MIER2: variants seen among roughly 807,000 people sequenced by gnomAD.
MIER2 encodes the protein mesoderm induction early response protein 2.
MIER2 carries 30 observed loss-of-function variants against 67.6 expected under a neutral mutation model. The observed-to-expected ratio is 0.44, with a 90% CI of 0.33 to 0.60. MIER2 has a LOEUF of 0.60. Ranked by LOEUF, MIER2 falls within the 20% of genes least tolerant of loss-of-function variation. The pLI is 0.02. For synonymous variants in MIER2, 372 were observed against 312.6 expected (o/e 1.19, Z -2.00); for missense variants, 702 against 745.1 (o/e 0.94, Z 0.67).
At chr19:317,244 T>C (rs912632487) in intron 7 of MIER2, among the ~76,000 whole-genome samples, 5 of 138,320 alleles carry the variant, frequency 3.6e-5, no homozygotes, top group African/African-American at 1.4e-4. Flanking sequence ...AATACAAAAT[T>C]AGGCCGGGCG....
At position 308,764 on chromosome 19, in the gene MIER2, G is replaced by A; in HGVS notation, c.1109+37C>T. ...CCACGTGCCCACCCCCGGCGGGGTG[G>A]CCGCCTGTCGTTACTGCTGGGGAGG... is the stretch of plus-strand genomic sequence containing the variant. On this transcript the variant is annotated intron_variant, in intron 11 of 13. Coordinates refer to ENST00000264819, the MANE Select transcript of MIER2 (RefSeq NM_017550.3). The surrounding 1 kb of genome is among the most constrained non-coding windows in gnomAD (Gnocchi z 9.1). The A allele has an allele frequency of 6.3e-7, 1 of 1,593,682 alleles. No individual in the cohort carries two copies. The highest frequency in any genetic ancestry group is 8.6e-7 in the Non-Finnish European group (1 of 1,165,278).
chr19:329,203 A>G (rs930809314), intron 3 of MIER2, among the ~76,000 whole-genome samples: 1 of 152,162 alleles, frequency 6.6e-6, no homozygotes, highest in African/African-American at 2.4e-5. Flanking sequence ...TCAAGTCCAC[A>G]TAGAAACCTC....
chr19:327,376 C>G, intron 4 of MIER2, 120 bp from the exon 5 acceptor site: 5 of 1,278,098 alleles, frequency 3.9e-6, no homozygotes, highest in Non-Finnish European at 5.4e-6. Flanking sequence ...GGCTGCTATT[C>G]CCATTCTGCA....
chr19:330,498 A>T (rs1218556185), intron 3 of MIER2: 1 of 151,402 alleles, frequency 6.6e-6, no homozygotes, highest in Non-Finnish European at 1.5e-5. Context: ...GCAGTGAGCC[A>T]AGATCGCGCC....
chr19:314,937 C>T (rs147472214), intron 7 of MIER2, among the ~76,000 whole-genome samples: 152 of 151,946 alleles, frequency 1.0e-3, no homozygotes, highest in African/African-American at 3.5e-3. Context: ...AGTACAGGCA[C>T]GTCTGTAGTC....
chr19:340,025 T>C (rs1373283394), intron 1 of MIER2, among the ~76,000 whole-genome samples: 2 of 152,238 alleles, frequency 1.3e-5, no homozygotes, highest in East Asian at 3.8e-4. Flanking sequence ...AAATATTTAA[T>C]GAAGTTTAAA....
rs1301238680 is a variant in MIER2, at chr19:318,873, A to G, written c.656-5230T>C. ...AGATCCAGACCATCCTGGCTAACAC[A>G]GTGAAACCCCGTCTCTACTAAAAAA... On this transcript the variant is annotated intron_variant, in intron 7 of 13. Transcript: ENST00000264819. 3.0e-4 allele frequency among the ~76,000 whole-genome samples: 45 copies of G among 151,734 alleles called. 1 individual carries two copies. The highest frequency in any genetic ancestry group is 1.2e-4 in the Non-Finnish European group (8 of 67,974).
chr19:342,222 C>T (rs1008317210), intron 1 of MIER2, among the ~76,000 whole-genome samples: 2 of 152,204 alleles, frequency 1.3e-5, no homozygotes, highest in African/African-American at 4.8e-5. Flanking sequence ...CTCAGCAAGG[C>T]AGTGGCGTGG....
intron 7 of MIER2, among the ~76,000 whole-genome samples, chr19:315,188 A>C (rs1260896975): frequency 6.6e-6 from 1 of 152,188 alleles, no homozygotes; most frequent in African/African-American, 2.4e-5. Context: ...AACATGGCGA[A>C]ACCCCAGCTC....
At chr19:320,875 C>T (rs1971472593) in intron 7 of MIER2, among the ~76,000 whole-genome samples, 1 of 152,222 alleles carries the variant, frequency 6.6e-6, no homozygotes, top group South Asian at 2.1e-4. Context: ...AGAGCTTGCG[C>T]CTGAGTGGAG....
Position 313,585 on chromosome 19 carries a change from C to T in MIER2, c.714G>A (p.Val238=). Residue 238 remains valine, a synonymous_variant, in exon 8 of 14, where the codon GTG becomes GTA. Coordinates refer to ENST00000264819, the MANE Select transcript of MIER2 (RefSeq NM_017550.3). ...TCACCGCCCTGTACAGGAACTCCTCCACCTCCCTCTCAGGGAGGACGCTGG... is the reference window on the plus strand; with the variant it reads ...TCACCGCCCTGTACAGGAACTCCTCTACCTCCCTCTCAGGGAGGACGCTGG... ...WDPSVLPERE[V]EEFLYRAVKR... is the part of the protein sequence containing the mutation. 6.2e-7 allele frequency: 1 copy of T among 1,613,430 alleles called. No homozygotes were observed. Among genetic ancestry groups the T allele is most frequent in the Non-Finnish European group, 8.5e-7 (1 of 1,179,960 alleles).
intron 7 of MIER2, among the ~76,000 whole-genome samples, chr19:321,183 G>A (rs757882893): frequency 5.5e-4 from 84 of 152,172 alleles, no homozygotes; most frequent in Admixed American, 7.9e-4. Context: ...AAGGTGTTGC[G>A]AGTTTTGATT....
At chr19:325,321 G>A (rs1971690249) in intron 7 of MIER2, among the ~76,000 whole-genome samples, 1 of 152,234 alleles carries the variant, frequency 6.6e-6, no homozygotes, top group Admixed American at 6.5e-5. Context: ...GAATGCAGCG[G>A]CCCAGGCTGT....
chr19:318,948 T>G (rs1971378247), intron 7 of MIER2, among the ~76,000 whole-genome samples: 1 of 150,956 alleles, frequency 6.6e-6, no homozygotes, highest in South Asian at 2.1e-4. Context: ...TCCCAGCTAC[T>G]TGGGAGGCTG....
intron 1 of MIER2, among the ~76,000 whole-genome samples, chr19:338,589 T>C (rs1338886834): frequency 1.3e-5 from 2 of 151,988 alleles, no homozygotes; most frequent in Non-Finnish European, 2.9e-5. Flanking sequence ...TTCAAAAGCA[T>C]ATGGAAGCTC....
intron 6 of MIER2, among the ~76,000 whole-genome samples, chr19:325,995 A>G (rs1971722093): frequency 6.6e-6 from 1 of 152,204 alleles, no homozygotes; most frequent in Non-Finnish European, 1.5e-5. Context: ...CTCCGGTCCA[A>G]AGCACCTGTG....
intron 3 of MIER2, 192 bp downstream of exon 3, chr19:334,208 C>T (rs1046435584): frequency 8.4e-6 from 6 of 713,218 alleles, no homozygotes; most frequent in Non-Finnish European, 1.4e-5. Context: ...CCTTGACCAC[C>T]GTGCTGCTCA....
Position 344,278 on chromosome 19 carries a change from C to G in MIER2, c.9+496G>C, listed in dbSNP as rs1012029502. The G allele has an allele frequency of 4.1e-6, 4 of 985,322 alleles. No individual in the cohort carries two copies. The African/African-American group carries it at 7.0e-5, about 17-fold the overall frequency. 61.0% of individuals were successfully genotyped at this position (985,322 alleles called of 1,614,324 possible). ...GGTCTGACCCAGCCCCGCCGGGGGG[C>G]TCGCGGGCGGCGGAGGCGCGGTGGG... On this transcript the variant is annotated intron_variant, in intron 1 of 13. Coordinates refer to ENST00000264819, the MANE Select transcript of MIER2 (RefSeq NM_017550.3).
At chr19:326,322 C>T (rs75288485) in intron 6 of MIER2, among the ~76,000 whole-genome samples, 185 bp downstream of exon 6, 1 of 114,852 alleles carries the variant, frequency 8.7e-6, no homozygotes. Context: ...GGCAGAGCCA[C>T]GGCCGGGATG....
Sources: allele counts gnomAD v4.1 joint callset (sites outside exome capture counted in the v4.1 genomes callset), GRCh38; gene constraint gnomAD v4.1.1; non-coding constraint Gnocchi (gnomAD v3.1); transcripts MANE v1.5; gene names NCBI Gene and HGNC (gene_info 2026-07-23, HGNC 2026-07-21).